TRIQK: variants seen among roughly 807,000 people sequenced by gnomAD.
TRIQK encodes triple QxxK/R motif containing, also known as triple QxxK/R motif-containing protein.
Under a neutral mutation model 10.8 loss-of-function variants are expected in TRIQK, and 10 were observed. That is an observed-to-expected ratio of 0.92 (90% CI 0.57 to 1.57). The LOEUF is 1.57. Among genes scored for constraint, TRIQK ranks in the 40% most tolerant of loss-of-function variants. The probability of loss-of-function intolerance (pLI) is 0.00; values close to 1 mark genes in which losing one functional copy is unlikely to be tolerated. For synonymous variants in TRIQK, 33 were observed against 33.7 expected, an observed-to-expected ratio of 0.98 and a Z score of 0.07; for missense variants, 107 against 97.7, an observed-to-expected ratio of 1.09 and a Z score of -0.40.
intron 1 of TRIQK, among the ~76,000 whole-genome samples, chr8:92,986,945 G>T (rs547065512): frequency 5.5e-4 from 84 of 152,200 alleles, no homozygotes; most frequent in African/African-American, 2.0e-3. Context: ...TATAAATCAG[G>T]ACATGACACA....
At chr8:92,955,958 C>T (rs746886736) in intron 1 of TRIQK, among the ~76,000 whole-genome samples, 1 of 151,696 alleles carries the variant, frequency 6.6e-6, no homozygotes, top group Non-Finnish European at 1.5e-5. Context: ...TCATACATTG[C>T]TGGTAGAAAT....
intron 3 of TRIQK, among the ~76,000 whole-genome samples, chr8:92,906,953 T>C (rs1809300209): frequency 6.6e-6 from 1 of 151,870 alleles, no homozygotes; most frequent in Admixed American, 6.6e-5. Flanking sequence ...GATTGGGATA[T>C]ATGTTTGGGT....
chr8:92,984,832 C>T (rs1316323418), intron 1 of TRIQK, among the ~76,000 whole-genome samples: 1 of 152,054 alleles, frequency 6.6e-6, no homozygotes, highest in Admixed American at 6.6e-5. Context: ...CCACTGTCTT[C>T]ATTATTTTTC....
At chr8:92,999,744 T>C (rs1314047752) in intron 1 of TRIQK, among the ~76,000 whole-genome samples, 2 of 152,206 alleles carry the variant, frequency 1.3e-5, no homozygotes, top group Non-Finnish European at 2.9e-5. Context: ...GTTCTTTTGA[T>C]AAAGACTAAT....
At chr8:93,016,709 A>C (rs573900390) in intron 1 of TRIQK, among the ~76,000 whole-genome samples, 62 of 152,280 alleles carry the variant, frequency 4.1e-4, no homozygotes, top group African/African-American at 1.5e-3. Context: ...TAAATATTGC[A>C]GTCATCCAGG....
At chr8:92,967,854 C>CTT (rs982431700), upstream of TRIQK, among the ~76,000 whole-genome samples, 6 of 145,386 alleles carry the variant, frequency 4.1e-5, no homozygotes, top group African/African-American at 1.3e-4. Flanking sequence ...TAGTTTTAGA[C>CTT]TAAAAAGAAA....
rs1812225525 is a variant in TRIQK, at chr8:92,957,357, T to A, written c.-180-2793A>T. 4.6e-5 allele frequency among the ~76,000 whole-genome samples: 7 copies of A among 151,860 alleles called. No individual in the cohort carries two copies. The South Asian group carries it at 1.5e-3, about 31-fold the overall frequency. ...GTATACATACACATACAGATACACA[T>A]ATATACACATATATATGTGAAGTAA... is the stretch of plus-strand genomic sequence containing the variant. On this transcript the variant is annotated intron_variant, in intron 1 of 4. Transcript: ENST00000521988.
chr8:92,949,265 G>A (rs1335524837), intron 2 of TRIQK, among the ~76,000 whole-genome samples: 1 of 152,016 alleles, frequency 6.6e-6, no homozygotes, highest in Non-Finnish European at 1.5e-5. Context: ...TAAAGGGTAG[G>A]TTAATTCTTC....
At chr8:92,886,812 A>C in intron 4 of TRIQK, 77 bp from the exon 5 acceptor site, 1 of 791,610 alleles carries the variant, frequency 1.3e-6, no homozygotes. Context: ...CAGATAAAAT[A>C]ACCATATTGT....
chr8:92,949,636 GAAGA>G (rs1343043802), intron 2 of TRIQK, among the ~76,000 whole-genome samples: 3 of 139,236 alleles, frequency 2.2e-5, no homozygotes, highest in African/African-American at 8.2e-5. Flanking sequence ...AGGAAGGAAG[GAAGA>G]AAGGAAGGAA....
chr8:92,891,923 A>T, intron 4 of TRIQK, 66 bp downstream of exon 4: 3 of 1,099,988 alleles, frequency 2.7e-6, no homozygotes, highest in Non-Finnish European at 3.8e-6. Flanking sequence ...CATTTATGCA[A>T]TCCAGTTTTA....
chr8:92,890,895 C>T (rs112740670), intron 4 of TRIQK, among the ~76,000 whole-genome samples: 5 of 151,650 alleles, frequency 3.3e-5, no homozygotes, highest in African/African-American at 7.3e-5. Context: ...TAAAAAGTCA[C>T]GTCATAAAGA....
At chr8:92,976,939 G>A (rs1812939244) in intron 1 of TRIQK, among the ~76,000 whole-genome samples, 1 of 151,772 alleles carries the variant, frequency 6.6e-6, no homozygotes, top group Non-Finnish European at 1.5e-5. Context: ...CTATTGTCAT[G>A]TATTTTATCT....
intron 1 of TRIQK, among the ~76,000 whole-genome samples, chr8:93,001,632 T>C (rs1323308028): frequency 1.3e-5 from 2 of 152,134 alleles, no homozygotes; most frequent in African/African-American, 2.4e-5. Flanking sequence ...CTCCTGAATA[T>C]ATAAAGCAAA....
At chr8:92,942,959 C>T (rs575955412) in intron 2 of TRIQK, among the ~76,000 whole-genome samples, 2 of 151,950 alleles carry the variant, frequency 1.3e-5, no homozygotes, top group African/African-American at 4.8e-5. Context: ...TTCCAAAGTG[C>T]TAGGATTACA....
chr8:93,009,618 AG>A (rs1403457524), intron 1 of TRIQK, among the ~76,000 whole-genome samples: 2 of 152,056 alleles, frequency 1.3e-5, no homozygotes, highest in Non-Finnish European at 2.9e-5. Context: ...AAAAAAAAAA[AG>A]ACAACAGATA....
At chr8:92,888,864 C>A (rs905712577) in intron 4 of TRIQK, among the ~76,000 whole-genome samples, 6 of 151,632 alleles carry the variant, frequency 4.0e-5, no homozygotes, top group Middle Eastern at 3.4e-3. Context: ...AAAAAAGCAA[C>A]TCATTAACAA....
chr8:92,915,145 T>A (rs765945654), intron 3 of TRIQK, among the ~76,000 whole-genome samples: 19 of 152,076 alleles, frequency 1.2e-4, no homozygotes, highest in Admixed American at 3.3e-4. Context: ...ATCTTTTCAA[T>A]CTTAAAAAAC....
chr8:93,002,370 A>G (rs1177466012), intron 1 of TRIQK, among the ~76,000 whole-genome samples: 3 of 152,188 alleles, frequency 2.0e-5, no homozygotes, highest in Admixed American at 6.5e-5. Context: ...TTTTAGCTAG[A>G]CTATCAAAAA....
Sources: gnomAD v4.1 joint callset for allele counts (sites outside exome capture counted in the v4.1 genomes callset) on GRCh38, gnomAD v4.1.1 for gene constraint, MANE v1.5 for transcripts, NCBI Gene and HGNC (gene_info 2026-07-23, HGNC 2026-07-21) for gene names.